The following PPP4R4 variants were observed in gnomAD, a reference collection of about 807,000 sequenced individuals.
The protein encoded by PPP4R4 is serine/threonine-protein phosphatase 4 regulatory subunit 4.
A neutral mutation model predicts 121.8 loss-of-function variants in PPP4R4; 70 were observed. The observed-to-expected ratio is 0.57, with a 90% CI of 0.47 to 0.70. The LOEUF is 0.70. PPP4R4 is among the 30% of genes least tolerant of loss of function. The probability of loss-of-function intolerance (pLI) is 0.00; values close to 1 mark genes in which losing one functional copy is unlikely to be tolerated. For missense variants in PPP4R4, 875 were observed against 1,033.6 expected, an observed-to-expected ratio of 0.85 and a Z score of 2.10; for synonymous variants, 348 against 355.7, an observed-to-expected ratio of 0.98 and a Z score of 0.24.
chr14:94,177,497 TTC>T (rs200213691), intron 2 of PPP4R4, among the ~76,000 whole-genome samples: 2,846 of 152,360 alleles, frequency 0.019, 36 homozygotes, highest in Non-Finnish European at 0.028. Flanking sequence ...TTTCCCACAG[TTC>T]TTTTACTCAA....
chr14:94,194,845 C>T (rs1315721113), intron 2 of PPP4R4, among the ~76,000 whole-genome samples: 1 of 152,198 alleles, frequency 6.6e-6, no homozygotes, highest in Non-Finnish European at 1.5e-5. Flanking sequence ...AAGAAATTCC[C>T]AGGCATGCAA....
At chr14:94,215,617 G>T (rs1454311558) in intron 3 of PPP4R4, among the ~76,000 whole-genome samples, 1 of 151,966 alleles carries the variant, frequency 6.6e-6, no homozygotes, top group Non-Finnish European at 1.5e-5. Context: ...TAATCATCAG[G>T]GTCAGAATTA....
intron 14 of PPP4R4, 48 bp downstream of exon 14, chr14:94,246,587 C>T: frequency 1.3e-6 from 2 of 1,508,610 alleles, no homozygotes; most frequent in Non-Finnish European, 9.0e-7. Context: ...ATGGTTGGTT[C>T]TGGAATTACC....
chr14:94,230,762 T>C lies in PPP4R4; in HGVS notation c.442+28T>C. 2 of 1,579,368 alleles carry C rather than the reference T, an allele frequency of 1.3e-6. 1 individual carries two copies. Among genetic ancestry groups the C allele is most frequent in the Middle Eastern group, 3.4e-4 (2 of 5,922 alleles). On this transcript the variant is annotated intron_variant, in intron 4 of 24. Transcript: ENST00000304338. The stretch of plus-strand genomic sequence containing the variant: ...CAGGGGCCTGGCATGCTTAATTATA[T>C]ACTTGTTTATTGTTTTTTTGTGTAT...
intron 24 of PPP4R4, among the ~76,000 whole-genome samples, chr14:94,276,634 G>T (rs1311057430): frequency 1.8e-5 from 2 of 111,210 alleles, no homozygotes; most frequent in African/African-American, 1.1e-4. Flanking sequence ...AAAACACCAA[G>T]CCGTGAGGGA....
intron 3 of PPP4R4, among the ~76,000 whole-genome samples, chr14:94,217,361 A>T (rs1891079664): frequency 6.6e-6 from 1 of 152,216 alleles, no homozygotes; most frequent in Admixed American, 6.5e-5. Context: ...AACCCAGCTC[A>T]ACTGCTAACT....
chr14:94,213,578 G>A (rs1205894935), intron 3 of PPP4R4, among the ~76,000 whole-genome samples: 1 of 152,170 alleles, frequency 6.6e-6, no homozygotes, highest in African/African-American at 2.4e-5. Context: ...GATTATTGGG[G>A]TGGTGGTCTA....
chr14:94,218,421 C>T (rs535543717), intron 3 of PPP4R4, among the ~76,000 whole-genome samples: 159 of 130,166 alleles, frequency 1.2e-3, no homozygotes, highest in African/African-American at 3.8e-3. Context: ...CCCTAGACAC[C>T]GCACGCGCGC....
intron 3 of PPP4R4, among the ~76,000 whole-genome samples, chr14:94,217,854 C>T (rs1168785136): frequency 4.6e-5 from 7 of 152,118 alleles, no homozygotes; most frequent in East Asian, 1.9e-4. Flanking sequence ...ATTAGCCAGG[C>T]GTGGTGGCAC....
At chr14:94,238,575 T>C (rs532026672) in intron 8 of PPP4R4, among the ~76,000 whole-genome samples, 1 of 152,228 alleles carries the variant, frequency 6.6e-6, no homozygotes, top group Non-Finnish European at 1.5e-5. Flanking sequence ...CTTAGTGTTA[T>C]GTAAATCATG....
At chr14:94,233,288 T>C (rs966902255) in intron 5 of PPP4R4, among the ~76,000 whole-genome samples, 1 of 152,230 alleles carries the variant, frequency 6.6e-6, no homozygotes, top group Non-Finnish European at 1.5e-5. Flanking sequence ...AGGATACATA[T>C]AAAAATTAAT....
At chr14:94,232,411 T>C (rs1892085904) in intron 5 of PPP4R4, among the ~76,000 whole-genome samples, 2 of 152,242 alleles carry the variant, frequency 1.3e-5, no homozygotes. Flanking sequence ...TTTCTAGTTA[T>C]AAGGATGTTT....
At chr14:94,241,132 T>G (rs1184620348) in intron 9 of PPP4R4, among the ~76,000 whole-genome samples, 1 of 152,140 alleles carries the variant, frequency 6.6e-6, no homozygotes, top group Non-Finnish European at 1.5e-5. Flanking sequence ...TTATTAACCA[T>G]TTATTGAATA....
intron 3 of PPP4R4, among the ~76,000 whole-genome samples, chr14:94,225,284 C>T (rs1035870246): frequency 6.6e-6 from 1 of 152,088 alleles, no homozygotes; most frequent in Non-Finnish European, 1.5e-5. Context: ...AAAAAATTAC[C>T]CTTCCAAGAT....
intron 19 of PPP4R4, among the ~76,000 whole-genome samples, chr14:94,261,825 C>A (rs1325453096): frequency 6.6e-6 from 1 of 151,946 alleles, no homozygotes. Flanking sequence ...CTCCTTCATT[C>A]TGCTAATATA....
intron 11 of PPP4R4, 141 bp downstream of exon 11, chr14:94,242,549 C>T: frequency 1.2e-6 from 1 of 825,824 alleles, no homozygotes; most frequent in Non-Finnish European, 1.8e-6. Flanking sequence ...TTAAAAATTT[C>T]CTTAATTTTC....
At position 94,275,222 on chromosome 14, in the gene PPP4R4, T is replaced by G. The variant is rs1160657573; in HGVS notation, c.2450-152T>G. 16 of 821,062 alleles carry G rather than the reference T, an allele frequency of 1.9e-5. No homozygotes were observed. In the African/African-American group the frequency reaches 2.2e-4, roughly 11 times the overall value. The allele number at this position is 821,062 out of a possible 1,614,324, so 50.9% of individuals were successfully genotyped here. On this transcript the variant is annotated intron_variant, in intron 23 of 24. Transcript: ENST00000304338. ...ATGGGGGTGTACATATGTCAAAACC[T>G]TAACTTTTTGCAGTTTGTTGTATGT...
chr14:94,245,508 A>G (rs1214246491), intron 12 of PPP4R4, 79 bp from the exon 13 acceptor site: 3 of 701,512 alleles, frequency 4.3e-6, no homozygotes, highest in Non-Finnish European at 6.7e-6. Flanking sequence ...CACTACTACT[A>G]TATAGAAATT....
chr14:94,237,475 TG>T (rs1230969037), intron 7 of PPP4R4, 89 bp from the exon 8 acceptor site: 75 of 1,229,186 alleles, frequency 6.1e-5, no homozygotes, highest in Non-Finnish European at 7.9e-5. Flanking sequence ...TCATATTTTC[TG>T]CAGCAACTAG....
Sources: allele counts gnomAD v4.1 joint callset (sites outside exome capture counted in the v4.1 genomes callset), GRCh38; gene constraint gnomAD v4.1.1; transcripts MANE v1.5; gene names NCBI Gene and HGNC (gene_info 2026-07-23, HGNC 2026-07-21).